STK17B: variants seen among roughly 807,000 people sequenced by gnomAD.
STK17B encodes the protein serine/threonine kinase 17b.
Under a neutral mutation model 42.0 loss-of-function variants are expected in STK17B, and 21 were observed. The ratio of observed to expected loss-of-function variants is 0.50; its 90% CI spans 0.35 to 0.72. The LOEUF (loss-of-function observed/expected upper bound fraction) is 0.72. Among genes scored for constraint, STK17B ranks in the 30% least tolerant of loss-of-function variants. The pLI is 0.00. For missense variants in STK17B, 349 were observed against 446.0 expected (o/e 0.78, Z 1.96); for synonymous variants, 143 against 148.4 (o/e 0.96, Z 0.26).
chr2:196,159,111 AGGAAGGAAATTTT>A (rs1699778634), intron 2 of STK17B, among the ~76,000 whole-genome samples: 3 of 152,178 alleles, frequency 2.0e-5, no homozygotes, highest in Admixed American at 2.0e-4. Flanking sequence ...TGACTAAAAC[AGGAAGGAAATTTT>A]GGGCTTTATA....
Position 196,143,589 on chromosome 2 carries a change from C to T in STK17B, c.578G>A (p.Arg193Gln), listed in dbSNP as rs1057415621. Reference sequence around the variant, plus strand: ...ATATTCTGGTGTTCCCATGATTTCCCGAAGTTCACACGCATGCCCTATTTT... The same window carrying T: ...ATATTCTGGTGTTCCCATGATTTCCTGAAGTTCACACGCATGCCCTATTTT... ...SRKIGHACEL[R>Q]EIMGTPEYLA... Residue 193 changes from arginine to glutamine, a missense_variant, in exon 5 of 8, where the codon CGG (arginine) becomes CAG (glutamine). Transcript: ENST00000263955. 9.3e-6 allele frequency: 15 copies of T among 1,604,812 alleles called. No individual in the cohort carries two copies. The Admixed American group carries it at 1.2e-4, about 13-fold the overall frequency.
chr2:196,155,262 A>G (rs1424411376), intron 3 of STK17B, among the ~76,000 whole-genome samples: 1 of 152,228 alleles, frequency 6.6e-6, no homozygotes, highest in Non-Finnish European at 1.5e-5. Flanking sequence ...AACTGAAATC[A>G]TATTGGTAGT....
rs553430593 is a variant in STK17B at position 196,149,241 on chromosome 2, G to A, written c.336-3186C>T. Among the ~76,000 whole-genome samples the A allele has an allele frequency of 9.4e-5, 14 of 149,694 alleles. No homozygotes were observed. The South Asian group carries it at 2.1e-3, about 22-fold the overall frequency. On this transcript the variant is annotated intron_variant, in intron 3 of 7. Coordinates refer to ENST00000263955, the MANE Select transcript of STK17B (RefSeq NM_004226.4). Reference sequence around the variant, plus strand: ...TGCAGTAGTGCAATCTCTACTCACCGCAACCTCCCCGTCCTGGGTTCAAGC... The same window carrying A: ...TGCAGTAGTGCAATCTCTACTCACCACAACCTCCCCGTCCTGGGTTCAAGC...
At position 196,156,562 on chromosome 2, in the gene STK17B, T is replaced by C; in HGVS notation, c.212A>G (p.Gln71Arg). 1 of 1,614,122 alleles carries C rather than the reference T, an allele frequency of 6.2e-7. No individual in the cohort carries two copies. Among genetic ancestry groups the C allele is most frequent in the Non-Finnish European group, 8.5e-7 (1 of 1,180,000 alleles). The change falls in exon 3 of 8, where the codon CAG (glutamine) becomes CGG (arginine). Residue 71 changes from glutamine (Q) to arginine (R), a missense_variant. Transcript: ENST00000263955. ...AKFLKKRRRGQDCRAEILHEI... is the reference protein window; with the variant it reads ...AKFLKKRRRGRDCRAEILHEI... ...GTGTAAAATTTCTGCTCGACAATCC[T>C]GTCCTCTTCTTCTCTTTTTTAGAAA...
In STK17B at chr2:196,135,253, T is replaced by G. The variant is rs1699380974; in HGVS notation, c.*2194A>C. 6.6e-6 allele frequency: 1 copy of G among 152,190 alleles called. No individual in the cohort carries two copies. The highest frequency in any genetic ancestry group is 2.4e-5 in the African/African-American group (1 of 41,454). The allele number at this position is 152,190 out of a possible 1,614,324, so 9.4% of individuals were successfully genotyped here. On this transcript the variant is annotated 3_prime_UTR_variant, in exon 8 of 8. Coordinates refer to ENST00000263955, the MANE Select transcript of STK17B (RefSeq NM_004226.4). ...CTTCAGAAACATAATCATTTCATTA[T>G]CCAATGACTTACTAAACTTTACTTG... is the stretch of plus-strand genomic sequence containing the variant.
In STK17B at chr2:196,137,336, G is replaced by C; in HGVS notation, c.*111C>G. The C allele has an allele frequency of 1.7e-6, 2 of 1,184,892 alleles. No homozygotes were observed. Among genetic ancestry groups the C allele is most frequent in the Non-Finnish European group, 2.3e-6 (2 of 863,894 alleles). The allele number at this position is 1,184,892 out of a possible 1,614,324, so 73.4% of individuals were successfully genotyped here. ...AAACACTTCCCTAAATTATTCCATG[G>C]AAAAGTGCATTTACAATATAAACAT... On this transcript the variant is annotated 3_prime_UTR_variant, in exon 8 of 8. Coordinates refer to ENST00000263955, the MANE Select transcript of STK17B (RefSeq NM_004226.4).
At position 196,137,228 on chromosome 2, in the gene STK17B, C is replaced by T; in HGVS notation, c.*219G>A. On this transcript the variant is annotated 3_prime_UTR_variant, in exon 8 of 8. Coordinates refer to ENST00000263955, the MANE Select transcript of STK17B (RefSeq NM_004226.4). ...TCACATGTACAATTTTACTTTTTGT[C>T]ATATATTTAAATATTTTCTTATCTG... 2.1e-6 allele frequency: 1 copy of T among 477,962 alleles called. No individual in the cohort carries two copies. Among genetic ancestry groups the T allele is most frequent in the Non-Finnish European group, 3.6e-6 (1 of 277,990 alleles). The allele number at this position is 477,962 out of a possible 1,614,324, so 29.6% of individuals were successfully genotyped here.
At chr2:196,138,112 A>G (rs973060854) in intron 7 of STK17B, among the ~76,000 whole-genome samples, 1 of 152,230 alleles carries the variant, frequency 6.6e-6, no homozygotes, top group Non-Finnish European at 1.5e-5. Context: ...TGTGCTTTTA[A>G]GCATTACACC....
chr2:196,147,108 A>G (rs928922965), intron 3 of STK17B, among the ~76,000 whole-genome samples: 31 of 152,180 alleles, frequency 2.0e-4, no homozygotes, highest in Admixed American at 2.0e-3. Context: ...AGATTTTTTT[A>G]GGAGGGATTA....
At position 196,164,641 on chromosome 2, in the gene STK17B, G is replaced by A. The variant is rs58653176; in HGVS notation, c.-44-1214C>T. ...TTCCTATTTTCTACTTATATGTACT[G>A]TTCTTTATCTTCTTAAATTCAAATG... is the stretch of plus-strand genomic sequence containing the variant. On this transcript the variant is annotated intron_variant, in intron 1 of 7. Transcript: ENST00000263955. 9.9e-3 allele frequency among the ~76,000 whole-genome samples: 1,500 copies of A among 151,870 alleles called. 26 individuals carry two copies. Among genetic ancestry groups the A allele is most frequent in the African/African-American group, 0.034 (1,422 of 41,352 alleles).
In STK17B at chr2:196,137,151, A is replaced by G. The variant is rs922882580; in HGVS notation, c.*296T>C. 3 of 300,694 alleles carry G rather than the reference A, an allele frequency of 1.0e-5. No homozygotes were observed. The highest frequency in any genetic ancestry group is 1.0e-3 in the Middle Eastern group (1 of 996). 18.6% of individuals were successfully genotyped at this position (300,694 alleles called of 1,614,324 possible). On this transcript the variant is annotated 3_prime_UTR_variant, in exon 8 of 8. Coordinates refer to ENST00000263955, the MANE Select transcript of STK17B (RefSeq NM_004226.4). Reference sequence around the variant, plus strand: ...AAGCCACTTTTTTTGTTGATATGCAAAACATTCTGGTAAGTTCATTTGAAG... The same window carrying G: ...AAGCCACTTTTTTTGTTGATATGCAGAACATTCTGGTAAGTTCATTTGAAG...
At chr2:196,145,584 G>C (rs1575174217) in intron 4 of STK17B, among the ~76,000 whole-genome samples, 1 of 152,196 alleles carries the variant, frequency 6.6e-6, no homozygotes, top group East Asian at 1.9e-4. Flanking sequence ...GCATTTCAGA[G>C]ATAGACAGCA....
At chr2:196,160,687 A>T (rs1699800881) in intron 2 of STK17B, among the ~76,000 whole-genome samples, 1 of 152,212 alleles carries the variant, frequency 6.6e-6, no homozygotes, top group Admixed American at 6.5e-5. Flanking sequence ...ATAATTAAAC[A>T]TATCAATATT....
chr2:196,165,417 T>C (rs1412254331), intron 1 of STK17B, among the ~76,000 whole-genome samples: 4 of 152,220 alleles, frequency 2.6e-5, no homozygotes, highest in African/African-American at 9.6e-5. Flanking sequence ...AAATGTAAGA[T>C]AAGGAACACT....
intron 7 of STK17B, among the ~76,000 whole-genome samples, chr2:196,138,737 G>A (rs953090522): frequency 1.6e-4 from 25 of 151,990 alleles, no homozygotes; most frequent in African/African-American, 4.3e-4. Flanking sequence ...CACCATGCCC[G>A]GCTAACTTTT....
chr2:196,161,993 T>A (rs993132242), intron 2 of STK17B, among the ~76,000 whole-genome samples: 1 of 152,196 alleles, frequency 6.6e-6, no homozygotes, highest in African/African-American at 2.4e-5. Flanking sequence ...TCAATCACAT[T>A]GTTTTGCTGC....
At chr2:196,156,731 C>A in intron 2 of STK17B, 80 bp from the exon 3 acceptor site, 1 of 1,042,172 alleles carries the variant, frequency 9.6e-7, no homozygotes, top group Non-Finnish European at 1.4e-6. Flanking sequence ...GTTATACCTC[C>A]AACTTAAAGT....
At chr2:196,140,580 T>C (rs1447001713) in intron 6 of STK17B, among the ~76,000 whole-genome samples, 6 of 30,676 alleles carry the variant, frequency 2.0e-4, no homozygotes, top group East Asian at 8.2e-4. Flanking sequence ...CTTCTAGCTT[T>C]TTTTTTTTTT....
chr2:196,140,771 G>T (rs1213504827), intron 6 of STK17B, among the ~76,000 whole-genome samples: 1 of 151,880 alleles, frequency 6.6e-6, no homozygotes, highest in Non-Finnish European at 1.5e-5. Flanking sequence ...TGCTATGTTG[G>T]CCAGGCTGGT....
Sources: gnomAD v4.1 joint callset for allele counts (sites outside exome capture counted in the v4.1 genomes callset) on GRCh38, gnomAD v4.1.1 for gene constraint, MANE v1.5 for transcripts, NCBI Gene and HGNC (gene_info 2026-07-23, HGNC 2026-07-21) for gene names.